Variants in RMDN2 observed in about 807,000 individuals in gnomAD.
RMDN2 encodes the protein regulator of microtubule dynamics protein 2.
In RMDN2, 61 loss-of-function variants were observed where a neutral mutation model predicts 52.8. The ratio of observed to expected loss-of-function variants is 1.16; its 90% CI spans 0.94 to 1.43. The LOEUF (loss-of-function observed/expected upper bound fraction) is 1.43. Ranked by LOEUF, RMDN2 falls within the 40% of genes most tolerant of loss-of-function variation. The pLI is 0.00. For synonymous variants in RMDN2, 180 were observed against 153.1 expected (o/e 1.18, Z -1.30); for missense variants, 592 against 475.3 (o/e 1.25, Z -2.28).
chr2:38,063,335 T>C (rs1371889469), intron 10 of RMDN2, among the ~76,000 whole-genome samples: 3 of 152,204 alleles, frequency 2.0e-5, no homozygotes, highest in African/African-American at 4.8e-5. Flanking sequence ...TGGTATCTCA[T>C]TGTGGTTTTG....
chr2:37,927,292 T>C (rs1666357424), intron 1 of RMDN2, among the ~76,000 whole-genome samples: 1 of 152,242 alleles, frequency 6.6e-6, no homozygotes, highest in South Asian at 2.1e-4. Flanking sequence ...TAGGAACAGG[T>C]TGTCAAAGGT....
chr2:37,990,518 C>CAAA (rs397812186), intron 6 of RMDN2, among the ~76,000 whole-genome samples: 2,088 of 37,156 alleles, frequency 0.056, 288 homozygotes, highest in African/African-American at 0.15. Flanking sequence ...GACTCCATCT[C>CAAA]AAAAAAAAAA....
At chr2:38,047,308 A>G (rs1286334965) in intron 10 of RMDN2, among the ~76,000 whole-genome samples, 1 of 152,238 alleles carries the variant, frequency 6.6e-6, no homozygotes, top group Non-Finnish European at 1.5e-5. Flanking sequence ...TCGTATAAAG[A>G]TTTGTATGTG....
Position 37,951,431 on chromosome 2 carries a change from C to G in RMDN2, c.452+21702C>G, listed in dbSNP as rs1324824276. 2.5e-6 allele frequency: 4 copies of G among 1,612,696 alleles called. No homozygotes were observed. Among genetic ancestry groups the G allele is most frequent in the African/African-American group, 2.7e-5 (2 of 74,816 alleles). On this transcript the variant is annotated intron_variant, in intron 2 of 10. Coordinates refer to ENST00000354545, the MANE Select transcript of RMDN2 (RefSeq NM_001170791.3). ...TATTATCTGTATCAAGTCCATCTTT[C>G]TCTGAAAGAAGATATTCTTTATTTG...
Position 37,986,021 on chromosome 2 carries a change from C to G in RMDN2, c.792-3520C>G, listed in dbSNP as rs901154338. Reference sequence around the variant, plus strand: ...TAGGTGTGGCATGTAAGGGAATTGTCTGTACTATGAGAATTTTTTTGTAAA... The same window carrying G: ...TAGGTGTGGCATGTAAGGGAATTGTGTGTACTATGAGAATTTTTTTGTAAA... On this transcript the variant is annotated intron_variant, in intron 5 of 10. Transcript: ENST00000354545. Among the ~76,000 whole-genome samples, 6 of 152,192 alleles carry G rather than the reference C, an allele frequency of 3.9e-5. No individual in the cohort carries two copies. The East Asian group carries it at 1.2e-3, about 29-fold the overall frequency.
chr2:37,957,337 T>C (rs1372079990), intron 2 of RMDN2, among the ~76,000 whole-genome samples: 1 of 152,224 alleles, frequency 6.6e-6, no homozygotes, highest in Non-Finnish European at 1.5e-5. Flanking sequence ...GACTTTTTAA[T>C]TATTGCCATT....
At chr2:37,944,245 C>T (rs559946868) in intron 2 of RMDN2, among the ~76,000 whole-genome samples, 4 of 151,048 alleles carry the variant, frequency 2.6e-5, no homozygotes, top group East Asian at 3.9e-4. Flanking sequence ...TTTACAGTAT[C>T]TGTACTCCTT....
chr2:37,951,305 T>C, intron 2 of RMDN2: 1 of 1,612,766 alleles, frequency 6.2e-7, no homozygotes, highest in Non-Finnish European at 8.5e-7. Flanking sequence ...CCCAGCATCG[T>C]GGAGCCTCTT....
chr2:37,950,459 A>C, intron 2 of RMDN2: 1 of 1,610,826 alleles, frequency 6.2e-7, no homozygotes, highest in Non-Finnish European at 8.5e-7. Context: ...TGCCATGTTA[A>C]CTCCACATGC....
intron 10 of RMDN2, chr2:38,028,130 A>C (rs149394507): frequency 6.6e-6 from 1 of 152,024 alleles, no homozygotes; most frequent in African/African-American, 2.4e-5. Flanking sequence ...TATGGGGACT[A>C]TCCAGAGGCT....
At chr2:37,937,889 C>G (rs1361036681) in intron 2 of RMDN2, among the ~76,000 whole-genome samples, 3 of 152,184 alleles carry the variant, frequency 2.0e-5, no homozygotes, top group African/African-American at 2.4e-5. Flanking sequence ...ATTTCTTTCT[C>G]TTTCCTGATT....
intron 10 of RMDN2, among the ~76,000 whole-genome samples, chr2:38,060,211 C>T (rs373152697): frequency 2.0e-5 from 3 of 151,984 alleles, no homozygotes; most frequent in Non-Finnish European, 4.4e-5. Flanking sequence ...TCCCAAAGTG[C>T]TGGGATTACA....
chr2:37,958,380 C>A (rs1669766824), intron 2 of RMDN2, among the ~76,000 whole-genome samples: 2 of 143,712 alleles, frequency 1.4e-5, no homozygotes, highest in Admixed American at 1.3e-4. Context: ...AAGTTGTATT[C>A]CTAGGTATTT....
rs1573122938 is a variant in RMDN2 at position 38,017,328 on chromosome 2, A to G, written c.*89A>G. On this transcript the variant is annotated 3_prime_UTR_variant, in exon 11 of 11. Coordinates refer to ENST00000354545, the MANE Select transcript of RMDN2 (RefSeq NM_001170791.3). ...GTGCTTTTATTATCCTTCATTTTTG[A>G]TGTAAGGGTATTGTGCTTAGATTTG... 2 of 1,443,918 alleles carry G rather than the reference A, an allele frequency of 1.4e-6. No individual in the cohort carries two copies. The highest frequency in any genetic ancestry group is 2.6e-5 in the East Asian group (1 of 38,902). 89.4% of individuals were successfully genotyped at this position (1,443,918 alleles called of 1,614,324 possible). A position where few individuals can be genotyped will look rare whatever the true frequency, so the allele number is the denominator to read the frequency against.
intron 10 of RMDN2, among the ~76,000 whole-genome samples, chr2:38,041,270 C>A (rs78311853): frequency 0.03 from 4,493 of 152,254 alleles, 222 homozygotes; most frequent in African/African-American, 0.1. Flanking sequence ...CCCTCCTCTC[C>A]TACTACTTCT....
intron 10 of RMDN2, among the ~76,000 whole-genome samples, chr2:38,034,864 T>TA (rs67839938): frequency 0.33 from 49,802 of 151,294 alleles, 8,850 homozygotes; most frequent in Non-Finnish European, 0.41. Flanking sequence ...TTTTAATATT[T>TA]AAAAAAAAGC....
intron 10 of RMDN2, among the ~76,000 whole-genome samples, chr2:38,009,911 A>G (rs1677701447): frequency 6.6e-6 from 1 of 151,878 alleles, no homozygotes; most frequent in Non-Finnish European, 1.5e-5. Flanking sequence ...CTTTCTGTTT[A>G]TTAGTTTTCC....
Position 38,022,900 on chromosome 2 carries a change from G to A in RMDN2, c.1713+18684G>A, listed in dbSNP as rs558996021. Among the ~76,000 whole-genome samples, 6 of 152,258 alleles carry A rather than the reference G, an allele frequency of 3.9e-5. No individual in the cohort carries two copies. The East Asian group carries it at 9.6e-4, about 24-fold the overall frequency. On this transcript the variant is annotated intron_variant, in intron 10 of 10. Transcript: ENST00000234195. ...GTTGATGTGTAAGTGACAGGGTCGGGGTCAGACAACTGTAGTGACCAAGCC... is the reference window on the plus strand; with the variant it reads ...GTTGATGTGTAAGTGACAGGGTCGGAGTCAGACAACTGTAGTGACCAAGCC...
chr2:38,010,446 A>G (rs1677806961), intron 10 of RMDN2, among the ~76,000 whole-genome samples: 1 of 152,124 alleles, frequency 6.6e-6, no homozygotes, highest in Non-Finnish European at 1.5e-5. Context: ...GCTGCCTTGC[A>G]GTTTGATCTC....
Sources: gnomAD v4.1 joint callset for allele counts (sites outside exome capture counted in the v4.1 genomes callset) on GRCh38, gnomAD v4.1.1 for gene constraint, MANE v1.5 for transcripts, NCBI Gene and HGNC (gene_info 2026-07-23, HGNC 2026-07-21) for gene names.